Variants in RFX3 observed in about 807,000 individuals in gnomAD.
RFX3 encodes regulatory factor X3.
In RFX3, 14 loss-of-function variants were observed where a neutral mutation model predicts 98.6. That is an observed-to-expected ratio of 0.14 (90% CI 0.09 to 0.22). The LOEUF (loss-of-function observed/expected upper bound fraction) is 0.22. Ranked by LOEUF, RFX3 falls within the 10% of genes least tolerant of loss-of-function variation. RFX3 has a pLI of 1.00. For missense variants in RFX3, 639 were observed against 926.9 expected (o/e 0.69, Z 4.03); for synonymous variants, 383 against 328.4 (o/e 1.17, Z -1.80).
chr9:3,233,683 A>G (rs922571214), intron 15 of RFX3, among the ~76,000 whole-genome samples: 3 of 152,212 alleles, frequency 2.0e-5, no homozygotes, highest in Non-Finnish European at 4.4e-5. Context: ...AGTAATCATA[A>G]TCACATTTAT....
At chr9:3,379,483 C>T (rs1838934571) in intron 2 of RFX3, among the ~76,000 whole-genome samples, 1 of 151,970 alleles carries the variant, frequency 6.6e-6, no homozygotes, top group East Asian at 1.9e-4. Flanking sequence ...AAGACTGGTT[C>T]TCTTTCTCCT....
chr9:3,231,601 G>A (rs566113954), intron 15 of RFX3, among the ~76,000 whole-genome samples: 1 of 152,014 alleles, frequency 6.6e-6, no homozygotes. Flanking sequence ...TAGAAGTATA[G>A]GGTTCAAGTC....
chr9:3,478,717 T>C (rs948255907), intron 1 of RFX3, among the ~76,000 whole-genome samples: 12 of 152,186 alleles, frequency 7.9e-5, no homozygotes, highest in South Asian at 2.1e-4. Flanking sequence ...TTGCACATTG[T>C]ACAGCCTTTT....
At chr9:3,520,837 G>A (rs1398446829) in intron 1 of RFX3, among the ~76,000 whole-genome samples, 1 of 152,094 alleles carries the variant, frequency 6.6e-6, no homozygotes, top group Non-Finnish European at 1.5e-5. Flanking sequence ...GGCAAGGCTG[G>A]CTAATTTTCT....
chr9:3,497,216 T>C (rs540314417), intron 1 of RFX3, among the ~76,000 whole-genome samples: 1 of 152,138 alleles, frequency 6.6e-6, no homozygotes, highest in African/African-American at 2.4e-5. Flanking sequence ...ATCTGAACAA[T>C]TGATAGGCAG....
intron 1 of RFX3, among the ~76,000 whole-genome samples, chr9:3,451,147 C>A (rs1224390922): frequency 6.6e-6 from 1 of 152,108 alleles, no homozygotes; most frequent in Non-Finnish European, 1.5e-5. Context: ...TAGAAGTCAA[C>A]TAAAAGAGCT....
intron 1 of RFX3, among the ~76,000 whole-genome samples, chr9:3,493,950 C>G (rs1002599951): frequency 1.3e-5 from 2 of 151,888 alleles, no homozygotes; most frequent in African/African-American, 2.4e-5. Context: ...CCTGCTTTAC[C>G]TCATCTCTGA....
intron 1 of RFX3, among the ~76,000 whole-genome samples, chr9:3,473,075 A>G (rs1848922823): frequency 6.6e-6 from 1 of 152,192 alleles, no homozygotes; most frequent in Non-Finnish European, 1.5e-5. Context: ...AACAGTTTCG[A>G]TTCAGCATGC....
chr9:3,370,810 A>C (rs1837756501), intron 2 of RFX3, among the ~76,000 whole-genome samples: 1 of 152,168 alleles, frequency 6.6e-6, no homozygotes, highest in Admixed American at 6.5e-5. Flanking sequence ...TTACTTTACA[A>C]TGTCCAGATA....
intron 1 of RFX3, among the ~76,000 whole-genome samples, chr9:3,520,708 C>T (rs1233436042): frequency 6.6e-6 from 1 of 152,162 alleles, no homozygotes; most frequent in African/African-American, 2.4e-5. Context: ...CAGGGTCTTG[C>T]TCTGTCACCC....
intron 15 of RFX3, among the ~76,000 whole-genome samples, chr9:3,238,596 C>G (rs576549877): frequency 6.6e-6 from 1 of 152,328 alleles, no homozygotes; most frequent in African/African-American, 2.4e-5. Context: ...AGATTGTTCA[C>G]ACGCAGATTT....
chr9:3,257,933 A>G (rs1251722347), intron 13 of RFX3, among the ~76,000 whole-genome samples: 3 of 152,204 alleles, frequency 2.0e-5, no homozygotes, highest in Non-Finnish European at 4.4e-5. Context: ...TGGTAACAGC[A>G]ATGAAAATAG....
At chr9:3,229,223 G>A (rs745655282) in intron 15 of RFX3, among the ~76,000 whole-genome samples, 9 of 152,142 alleles carry the variant, frequency 5.9e-5, no homozygotes, top group Admixed American at 5.9e-4. Context: ...GTGGCAAAAC[G>A]AATTTGGAAA....
At chr9:3,393,596 G>C (rs1840546474) in intron 2 of RFX3, among the ~76,000 whole-genome samples, 1 of 147,088 alleles carries the variant, frequency 6.8e-6, no homozygotes, top group Non-Finnish European at 1.5e-5. Context: ...TTCTTTACTT[G>C]CTCTTCAGAT....
At chr9:3,379,894 T>C (rs1421220596) in intron 2 of RFX3, among the ~76,000 whole-genome samples, 1 of 116,344 alleles carries the variant, frequency 8.6e-6, no homozygotes, top group East Asian at 2.3e-4. Flanking sequence ...ATTTATTTAT[T>C]TATTTATTTA....
At chr9:3,497,394 T>C (rs573948735) in intron 1 of RFX3, among the ~76,000 whole-genome samples, 2 of 152,066 alleles carry the variant, frequency 1.3e-5, no homozygotes, top group South Asian at 4.1e-4. Context: ...CTCCAGTGGA[T>C]TATTAAAGGA....
At chr9:3,250,927 A>G (rs1821314459) in intron 14 of RFX3, among the ~76,000 whole-genome samples, 1 of 152,186 alleles carries the variant, frequency 6.6e-6, no homozygotes, top group Non-Finnish European at 1.5e-5. Flanking sequence ...CATTGAGATC[A>G]CACACTTCAT....
intron 2 of RFX3, among the ~76,000 whole-genome samples, chr9:3,353,043 T>C (rs965162960): frequency 1.3e-5 from 2 of 152,058 alleles, no homozygotes; most frequent in South Asian, 2.1e-4. Flanking sequence ...TCACGTCCTT[T>C]GTAGGGACAT....
At chr9:3,316,061 G>C (rs1830548597) in intron 4 of RFX3, among the ~76,000 whole-genome samples, 1 of 151,668 alleles carries the variant, frequency 6.6e-6, no homozygotes, top group South Asian at 2.1e-4. Flanking sequence ...AGGCTGGCAG[G>C]GACACAATAA....
Sources: allele counts gnomAD v4.1 joint callset (sites outside exome capture counted in the v4.1 genomes callset), GRCh38; gene constraint gnomAD v4.1.1; transcripts MANE v1.5; gene names NCBI Gene and HGNC (gene_info 2026-07-23, HGNC 2026-07-21).